The following ERC1 variants were observed in gnomAD, a reference collection of about 807,000 sequenced individuals.
The protein encoded by ERC1 is ELKS/RAB6-interacting/CAST family member 1.
ERC1 carries 56 observed loss-of-function variants against 132.0 expected under a neutral mutation model. The observed-to-expected ratio is 0.42, with a 90% CI of 0.34 to 0.53. The LOEUF is 0.53. Among genes scored for constraint, ERC1 ranks in the 20% least tolerant of loss-of-function variants. The probability of loss-of-function intolerance (pLI) is 0.03; values close to 1 mark genes in which losing one functional copy is unlikely to be tolerated. For missense variants in ERC1, 1,202 were observed against 1,349.9 expected (o/e 0.89, Z 1.72); for synonymous variants, 478 against 476.1 (o/e 1.00, Z -0.05).
chr12:1,484,073 A>AG (rs1565529635), intron 18 of ERC1, among the ~76,000 whole-genome samples: 21 of 151,070 alleles, frequency 1.4e-4, no homozygotes, highest in Admixed American at 5.9e-4. Context: ...TGGGAGGCTG[A>AG]GGCGGGCGGA....
intron 17 of ERC1, among the ~76,000 whole-genome samples, chr12:1,409,135 A>G (rs1173657894): frequency 1.3e-5 from 2 of 152,230 alleles, no homozygotes; most frequent in Non-Finnish European, 2.9e-5. Flanking sequence ...ATGGTATTCA[A>G]ATTGCTGTTG....
chr12:1,122,952 C>A (rs1947746794), intron 7 of ERC1, among the ~76,000 whole-genome samples: 1 of 152,074 alleles, frequency 6.6e-6, no homozygotes, highest in Non-Finnish European at 1.5e-5. Context: ...AGCATTTGTT[C>A]TAGCAGCGGT....
chr12:1,328,222 C>T (rs1357916614), intron 15 of ERC1, among the ~76,000 whole-genome samples: 7 of 152,122 alleles, frequency 4.6e-5, no homozygotes, highest in Non-Finnish European at 8.8e-5. Flanking sequence ...TCACTGGTCA[C>T]TGTAACCTCA....
intron 12 of ERC1, among the ~76,000 whole-genome samples, chr12:1,221,948 T>C (rs1486307213): frequency 1.3e-5 from 2 of 152,160 alleles, no homozygotes; most frequent in African/African-American, 2.4e-5. Context: ...ACAAATATCA[T>C]AGCGTATACT....
At chr12:1,330,315 G>A (rs1219784454) in intron 15 of ERC1, among the ~76,000 whole-genome samples, 1 of 152,086 alleles carries the variant, frequency 6.6e-6, no homozygotes, top group Non-Finnish European at 1.5e-5. Flanking sequence ...CTTAGCTAAG[G>A]CTGAGAAGCA....
At chr12:1,144,614 G>GCA (rs1555268148) in intron 8 of ERC1, among the ~76,000 whole-genome samples, 30 of 132,286 alleles carry the variant, frequency 2.3e-4, no homozygotes, top group African/African-American at 9.1e-4. Context: ...GAATTTTGTG[G>GCA]TATATATATA....
chr12:1,145,062 G>A (rs1326612158), intron 8 of ERC1, among the ~76,000 whole-genome samples: 2 of 151,954 alleles, frequency 1.3e-5, no homozygotes, highest in African/African-American at 4.8e-5. Flanking sequence ...TGCCGCCCAG[G>A]CTGGAGTGAA....
intron 1 of ERC1, among the ~76,000 whole-genome samples, chr12:1,024,062 C>T (rs1016227819): frequency 6.6e-6 from 1 of 152,090 alleles, no homozygotes; most frequent in Non-Finnish European, 1.5e-5. Context: ...AGATGAGATA[C>T]GTAAATTTGA....
At chr12:1,432,478 C>T (rs1267379577) in intron 17 of ERC1, among the ~76,000 whole-genome samples, 1 of 152,178 alleles carries the variant, frequency 6.6e-6, no homozygotes, top group African/African-American at 2.4e-5. Context: ...AAAATGTCCT[C>T]AGGGTGAGGA....
chr12:1,069,420 C>G (rs1339290997), intron 2 of ERC1, among the ~76,000 whole-genome samples: 14 of 152,008 alleles, frequency 9.2e-5, no homozygotes, highest in East Asian at 5.8e-4. Flanking sequence ...AAACTTTTAC[C>G]CATGTGCTCA....
At chr12:1,060,565 T>C (rs1473042040) in intron 2 of ERC1, among the ~76,000 whole-genome samples, 1 of 152,078 alleles carries the variant, frequency 6.6e-6, no homozygotes, top group Non-Finnish European at 1.5e-5. Context: ...ACTTCTTACA[T>C]TGAGGCGGCA....
chr12:1,264,876 G>T (rs1396118767), intron 14 of ERC1, among the ~76,000 whole-genome samples: 1 of 152,086 alleles, frequency 6.6e-6, no homozygotes, highest in Non-Finnish European at 1.5e-5. Flanking sequence ...GTAAAGAAGG[G>T]TATGTTTCCA....
intron 2 of ERC1, among the ~76,000 whole-genome samples, chr12:1,034,040 CTG>C (rs1225918402): frequency 2.0e-5 from 3 of 152,148 alleles, no homozygotes; most frequent in African/African-American, 4.8e-5. Context: ...GTCTTGGAAA[CTG>C]TATCTGTATT....
At chr12:1,261,633 G>A (rs546588953) in intron 13 of ERC1, among the ~76,000 whole-genome samples, 1 of 152,242 alleles carries the variant, frequency 6.6e-6, no homozygotes, top group Admixed American at 6.5e-5. Flanking sequence ...GTCAACAGAG[G>A]GAAGGAAGAG....
chr12:1,169,657 A>G (rs1422577194), intron 8 of ERC1, among the ~76,000 whole-genome samples: 1 of 152,228 alleles, frequency 6.6e-6, no homozygotes, highest in Non-Finnish European at 1.5e-5. Context: ...AACCCATAAA[A>G]GTAGACCTGG....
At chr12:1,282,511 A>G (rs1041378670) in intron 14 of ERC1, among the ~76,000 whole-genome samples, 6 of 152,238 alleles carry the variant, frequency 3.9e-5, no homozygotes, top group Non-Finnish European at 8.8e-5. Flanking sequence ...ATCTTGTCAA[A>G]GAATTACCAT....
chr12:1,191,409 T>C (rs987691715), intron 12 of ERC1, among the ~76,000 whole-genome samples: 7 of 152,184 alleles, frequency 4.6e-5, no homozygotes, highest in Non-Finnish European at 5.9e-5. Flanking sequence ...ACTGCATAGA[T>C]ACAAAAATGC....
chr12:1,377,665 A>G (rs1428108216), intron 16 of ERC1, among the ~76,000 whole-genome samples: 1 of 152,190 alleles, frequency 6.6e-6, no homozygotes, highest in East Asian at 1.9e-4. Context: ...AGAGCTGGCC[A>G]TTGGCCCACC....
intron 12 of ERC1, among the ~76,000 whole-genome samples, chr12:1,234,946 A>G (rs2075313211): frequency 6.6e-6 from 1 of 152,244 alleles, no homozygotes; most frequent in Admixed American, 6.5e-5. Flanking sequence ...TGGATTAATG[A>G]CTGCAACGTG....
Sources: gnomAD v4.1 joint callset for allele counts (sites outside exome capture counted in the v4.1 genomes callset) on GRCh38, gnomAD v4.1.1 for gene constraint, MANE v1.5 for transcripts, NCBI Gene and HGNC (gene_info 2026-07-23, HGNC 2026-07-21) for gene names.